The following CAB39L variants were observed in gnomAD, a reference collection of about 807,000 sequenced individuals.
The protein encoded by CAB39L is calcium binding protein 39 like.
A neutral mutation model predicts 39.1 loss-of-function variants in CAB39L; 23 were observed. The observed-to-expected ratio is 0.59, with a 90% CI of 0.42 to 0.83. CAB39L has a LOEUF of 0.83. Among genes scored for constraint, CAB39L ranks in the 40% least tolerant of loss-of-function variants. The probability of loss-of-function intolerance (pLI) is 0.00; values close to 1 mark genes in which losing one functional copy is unlikely to be tolerated. For synonymous variants in CAB39L, 126 were observed against 137.2 expected, an observed-to-expected ratio of 0.92 and a Z score of 0.57; for missense variants, 366 against 391.9, an observed-to-expected ratio of 0.93 and a Z score of 0.56.
chr13:49,379,105 C>T (rs1956195516), intron 4 of CAB39L, among the ~76,000 whole-genome samples: 1 of 50,676 alleles, frequency 2.0e-5, no homozygotes, highest in East Asian at 3.2e-4. Flanking sequence ...CCAGCCGCCC[C>T]GTCCGGGAGG....
chr13:49,329,588 T>C (rs1050597737), intron 10 of CAB39L, among the ~76,000 whole-genome samples: 30 of 112,928 alleles, frequency 2.7e-4, no homozygotes, highest in African/African-American at 9.4e-4. Context: ...TATATATATA[T>C]ATATATATAA....
chr13:49,317,836 C>T (rs778658680), intron 10 of CAB39L, among the ~76,000 whole-genome samples: 21 of 151,844 alleles, frequency 1.4e-4, no homozygotes, highest in African/African-American at 4.1e-4. Context: ...ACACACAGAA[C>T]GGGAGAAAAT....
chr13:49,442,315 AT>A (rs2138762843), intron 1 of CAB39L, among the ~76,000 whole-genome samples: 1 of 152,196 alleles, frequency 6.6e-6, no homozygotes, highest in African/African-American at 2.4e-5. Context: ...GTTATTTCCA[AT>A]TTTTCACAAG....
At chr13:49,392,189 A>G (rs527502951) in intron 3 of CAB39L, among the ~76,000 whole-genome samples, 1 of 152,198 alleles carries the variant, frequency 6.6e-6, no homozygotes, top group Non-Finnish European at 1.5e-5. Context: ...CTACATATAC[A>G]GTGTATGTAA....
intron 3 of CAB39L, among the ~76,000 whole-genome samples, chr13:49,388,211 A>AG (rs1181725187): frequency 6.6e-6 from 1 of 152,166 alleles, no homozygotes; most frequent in Non-Finnish European, 1.5e-5. Context: ...ACAACAATGG[A>AG]GGGGGGAGGA....
intron 1 of CAB39L, among the ~76,000 whole-genome samples, chr13:49,443,223 GCAGACC>G (rs1158363846): frequency 1.3e-5 from 2 of 151,942 alleles, no homozygotes; most frequent in Admixed American, 6.6e-5. Flanking sequence ...GCATGTCATG[GCAGACC>G]CAGAGATTTA....
chr13:49,379,717 A>C (rs866945780), intron 4 of CAB39L, among the ~76,000 whole-genome samples: 1 of 150,918 alleles, frequency 6.6e-6, no homozygotes, highest in East Asian at 1.9e-4. Context: ...AAAAAAAAAA[A>C]AAAACAAAAA....
intron 1 of CAB39L, among the ~76,000 whole-genome samples, chr13:49,440,288 G>T (rs970016847): frequency 6.6e-6 from 1 of 151,808 alleles, no homozygotes; most frequent in Admixed American, 6.6e-5. Context: ...TTTTGTATGT[G>T]GTGTAAGGTA....
At chr13:49,385,199 T>C (rs527468185) in intron 3 of CAB39L, among the ~76,000 whole-genome samples, 2 of 152,250 alleles carry the variant, frequency 1.3e-5, no homozygotes, top group Non-Finnish European at 2.9e-5. Flanking sequence ...TAGCACTTGC[T>C]GCTTTTTCCC....
At chr13:49,439,378 T>G (rs1957466526) in intron 1 of CAB39L, among the ~76,000 whole-genome samples, 1 of 152,186 alleles carries the variant, frequency 6.6e-6, no homozygotes. Context: ...AAGTCTGGAG[T>G]ATGACAGATC....
At chr13:49,440,633 G>T (rs1327810728) in intron 1 of CAB39L, among the ~76,000 whole-genome samples, 5 of 151,616 alleles carry the variant, frequency 3.3e-5, no homozygotes, top group Non-Finnish European at 2.9e-5. Context: ...CCATTTGTTT[G>T]TGTCATCAAT....
intron 3 of CAB39L, among the ~76,000 whole-genome samples, chr13:49,386,670 GA>G (rs1956368310): frequency 1.3e-5 from 2 of 151,848 alleles, no homozygotes; most frequent in African/African-American, 4.8e-5. Flanking sequence ...TATTTTGAAG[GA>G]AATCAAAGTT....
chr13:49,415,972 GT>G (rs1269386313), intron 3 of CAB39L, among the ~76,000 whole-genome samples: 1 of 152,142 alleles, frequency 6.6e-6, no homozygotes, highest in African/African-American at 2.4e-5. Flanking sequence ...CAGAACTGGA[GT>G]TTTTTGGTTT....
chr13:49,397,287 G>A (rs1010259429), intron 3 of CAB39L, among the ~76,000 whole-genome samples: 3 of 152,044 alleles, frequency 2.0e-5, no homozygotes, highest in African/African-American at 7.2e-5. Context: ...AGTTAAAAAT[G>A]ACTAAGAATA....
At chr13:49,405,202 A>G (rs7325298) in intron 3 of CAB39L, among the ~76,000 whole-genome samples, 2,390 of 152,280 alleles carry the variant, frequency 0.016, 62 homozygotes, top group African/African-American at 0.055. Context: ...AGAATAACAT[A>G]TAAAGGAGCC....
chr13:49,440,182 AT>A (rs1372223839), intron 1 of CAB39L, among the ~76,000 whole-genome samples: 5 of 151,742 alleles, frequency 3.3e-5, no homozygotes, highest in Non-Finnish European at 7.4e-5. Context: ...TGTTTCCTAG[AT>A]TTTTTCCTAG....
chr13:49,396,226 C>T (rs574401947), intron 3 of CAB39L, among the ~76,000 whole-genome samples: 2 of 152,104 alleles, frequency 1.3e-5, no homozygotes, highest in Non-Finnish European at 2.9e-5. Flanking sequence ...AACCAAACTG[C>T]TAACTCATTT....
intron 3 of CAB39L, among the ~76,000 whole-genome samples, chr13:49,427,116 G>A (rs892121245): frequency 3.3e-5 from 5 of 152,042 alleles, no homozygotes; most frequent in African/African-American, 7.2e-5. Flanking sequence ...TCTTAGCTAC[G>A]GTACTCAGTT....
chr13:49,429,692 A>G (rs1448059352), intron 3 of CAB39L, among the ~76,000 whole-genome samples: 2 of 152,196 alleles, frequency 1.3e-5, no homozygotes, highest in African/African-American at 4.8e-5. Context: ...GAGGTTCACC[A>G]AAACCTCACC....
Sources: allele counts gnomAD v4.1 joint callset (sites outside exome capture counted in the v4.1 genomes callset), GRCh38; gene constraint gnomAD v4.1.1; transcripts MANE v1.5; gene names NCBI Gene and HGNC (gene_info 2026-07-23, HGNC 2026-07-21).